Variants in SPG11 observed in about 807,000 individuals in gnomAD.
SPG11 encodes the protein spatacsin.
SPG11 carries 222 observed loss-of-function variants against 274.0 expected under a neutral mutation model. The observed-to-expected ratio is 0.81, with a 90% CI of 0.73 to 0.91. SPG11 has a LOEUF of 0.91. Among genes scored for constraint, SPG11 ranks in the 40% least tolerant of loss-of-function variants. The pLI is 0.00. For missense variants in SPG11, 3,114 were observed against 2,872.7 expected (o/e 1.08, Z -1.92); for synonymous variants, 1,144 against 1,039.7 (o/e 1.10, Z -1.93).
At chr15:44,600,370 G>C in intron 21 of SPG11, 97 bp downstream of exon 21, 1 of 1,373,454 alleles carries the variant, frequency 7.3e-7, no homozygotes, top group Non-Finnish European at 1.0e-6. Flanking sequence ...CTGCTTCCTT[G>C]AACTCCTGGG....
intron 15 of SPG11, among the ~76,000 whole-genome samples, chr15:44,617,230 C>A (rs576928022): frequency 6.6e-6 from 1 of 152,362 alleles, no homozygotes; most frequent in South Asian, 2.1e-4. Flanking sequence ...CCAGGCAGCT[C>A]TCTTGGTCTC....
chr15:44,597,038 T>C (rs978196288), intron 23 of SPG11, 95 bp from the exon 24 acceptor site: 14 of 1,223,772 alleles, frequency 1.1e-5, no homozygotes, highest in Admixed American at 2.0e-5. Flanking sequence ...GTAAAAATGA[T>C]ATAAATTAAA....
intron 17 of SPG11, among the ~76,000 whole-genome samples, chr15:44,612,086 G>A (rs2083474508): frequency 6.6e-6 from 1 of 152,158 alleles, no homozygotes; most frequent in Non-Finnish European, 1.5e-5. Context: ...TGGGATTACA[G>A]GCATGAGCCA....
intron 36 of SPG11, 67 bp from the exon 37 acceptor site, chr15:44,566,372 T>A: frequency 6.8e-7 from 1 of 1,473,170 alleles, no homozygotes. Flanking sequence ...ATCCCACTCA[T>A]TGTGATCGTG....
chr15:44,586,614 A>G (rs772764488), intron 28 of SPG11, among the ~76,000 whole-genome samples: 5 of 152,184 alleles, frequency 3.3e-5, no homozygotes, highest in Admixed American at 6.5e-5. Context: ...ATTGTACTCC[A>G]GCCTGGGCAA....
intron 7 of SPG11, among the ~76,000 whole-genome samples, chr15:44,634,273 T>C (rs1458801481): frequency 2.0e-5 from 3 of 152,172 alleles, no homozygotes; most frequent in Non-Finnish European, 2.9e-5. Context: ...TCTATTTGAA[T>C]TAAAATGTTA....
chr15:44,621,144 G>A (rs1311786729), intron 14 of SPG11: 1 of 153,142 alleles, frequency 6.5e-6, no homozygotes, highest in Non-Finnish European at 1.5e-5. Context: ...TGGCCACATT[G>A]TTCATTTTAT....
chr15:44,586,013 G>A (rs1166870976), intron 28 of SPG11, among the ~76,000 whole-genome samples, 163 bp from the exon 29 acceptor site: 1 of 129,736 alleles, frequency 7.7e-6, no homozygotes, highest in Non-Finnish European at 1.6e-5. Context: ...TTGAGATGGA[G>A]TCTCACTGTC....
At chr15:44,629,176 G>T in intron 9 of SPG11, 57 bp downstream of exon 9, 1 of 1,575,428 alleles carries the variant, frequency 6.3e-7, no homozygotes, top group Non-Finnish European at 8.7e-7. Flanking sequence ...AGCAGCACTT[G>T]TATCTGTTCT....
In SPG11 at chr15:44,566,004, G is replaced by A. The variant is rs566330854; in HGVS notation, c.6849C>T (p.Ser2283=). The change falls in exon 38 of 40, where the codon TCC becomes TCT. Residue 2283 remains serine, a synonymous_variant. Transcript: ENST00000261866. ...GACAGTGCTGGGCCTGTCGCACACA[G>A]GAGTCCTGAGGAACAAGGGTGGAGA... is the stretch of plus-strand genomic sequence containing the variant. The part of the protein sequence containing the change: ...LDAAESYAKD[S]CVRQAQHCQR... 6.2e-7 allele frequency: 1 copy of A among 1,613,600 alleles called. No individual in the cohort carries two copies.
At chr15:44,629,106 C>A in intron 9 of SPG11, 127 bp downstream of exon 9, 1 of 1,141,240 alleles carries the variant, frequency 8.8e-7, no homozygotes, top group South Asian at 1.3e-5. Flanking sequence ...CTCAACTACA[C>A]ACTGACCTTA....
At chr15:44,650,114 CAGA>C (rs912915351) in intron 6 of SPG11, among the ~76,000 whole-genome samples, 5 of 152,126 alleles carry the variant, frequency 3.3e-5, no homozygotes, top group African/African-American at 4.8e-5. Flanking sequence ...AATACCTTTG[CAGA>C]AGATGAATTA....
At chr15:44,650,025 C>G (rs2084720175) in intron 6 of SPG11, among the ~76,000 whole-genome samples, 1 of 152,054 alleles carries the variant, frequency 6.6e-6, no homozygotes, top group Non-Finnish European at 1.5e-5. Flanking sequence ...ATAGCATATT[C>G]CTGACACATA....
At chr15:44,605,581 C>T (rs2083297535) in intron 20 of SPG11, among the ~76,000 whole-genome samples, 1 of 152,100 alleles carries the variant, frequency 6.6e-6, no homozygotes, top group Non-Finnish European at 1.5e-5. Flanking sequence ...AAATGCCTTG[C>T]CTCCTTTTAT....
chr15:44,659,645 A>G (rs1237419981), intron 2 of SPG11, among the ~76,000 whole-genome samples: 1 of 152,226 alleles, frequency 6.6e-6, no homozygotes. Flanking sequence ...AAGGGTGAAG[A>G]GTATGTTACT....
chr15:44,638,232 C>T (rs1164011962), intron 7 of SPG11, among the ~76,000 whole-genome samples: 21 of 151,988 alleles, frequency 1.4e-4, no homozygotes, highest in Admixed American at 4.6e-4. Context: ...GAGGTCGAGG[C>T]GGGTGGGTCA....
intron 8 of SPG11, among the ~76,000 whole-genome samples, chr15:44,632,044 A>T (rs2084080362): frequency 2.0e-5 from 3 of 151,976 alleles, no homozygotes; most frequent in Admixed American, 2.0e-4. Context: ...CCTGGGCTCA[A>T]GAGATCCTCC....
chr15:44,565,836 G>A lies in SPG11; in HGVS notation c.6999+18C>T. On this transcript the variant is annotated intron_variant, in intron 38 of 39. Coordinates refer to ENST00000261866, the MANE Select transcript of SPG11 (RefSeq NM_025137.4). ...GAGGATGCTAGCAGTGCTGGCTACA[G>A]TTTGCTTTCTTGCTCACCTGGTAGA... 1 of 1,613,950 alleles carries A rather than the reference G, an allele frequency of 6.2e-7. No individual in the cohort carries two copies. The highest frequency in any genetic ancestry group is 8.5e-7 in the Non-Finnish European group (1 of 1,179,990).
rs886051184 is a variant in SPG11, at chr15:44,663,440, G to A, written c.208C>T (p.Pro70Ser). 1.2e-6 allele frequency: 2 copies of A among 1,603,448 alleles called. No homozygotes were observed. Among genetic ancestry groups the A allele is most frequent in the Non-Finnish European group, 1.7e-6 (2 of 1,175,782 alleles). Residue 70 changes from proline to serine, a missense_variant, in exon 1 of 40, where the codon CCT becomes TCT. Pro to Ser is a moderately conservative substitution (Grantham distance 74). Transcript: ENST00000261866. The part of the protein sequence containing the change: ...AGSLQVLSLT[P>S]GSRGGGRCCL... ...CAGCGACCCCCGCCCCGGCTGCCAG[G>A]CGTCAAAGAAAGCACTTGGAGGCTG...
Sources: allele counts gnomAD v4.1 joint callset (sites outside exome capture counted in the v4.1 genomes callset), GRCh38; gene constraint gnomAD v4.1.1; transcripts MANE v1.5; gene names NCBI Gene and HGNC (gene_info 2026-07-23, HGNC 2026-07-21).